The following PCCB variants were observed in gnomAD, a reference collection of about 807,000 sequenced individuals.
The protein encoded by PCCB is propionyl-CoA carboxylase subunit beta.
PCCB carries 43 observed loss-of-function variants against 60.7 expected under a neutral mutation model. The observed-to-expected ratio is 0.71, with a 90% CI of 0.55 to 0.91. PCCB has a LOEUF of 0.91. Among genes scored for constraint, PCCB ranks in the 40% least tolerant of loss-of-function variants. The probability of loss-of-function intolerance (pLI) is 0.00; values close to 1 mark genes in which losing one functional copy is unlikely to be tolerated. For synonymous variants in PCCB, 276 were observed against 255.9 expected, an observed-to-expected ratio of 1.08 and a Z score of -0.75; for missense variants, 766 against 702.8, an observed-to-expected ratio of 1.09 and a Z score of -1.02.
intron 6 of PCCB, among the ~76,000 whole-genome samples, chr3:136,285,242 G>A (rs1466133286): frequency 5.3e-5 from 8 of 152,162 alleles, no homozygotes; most frequent in African/African-American, 1.7e-4. Flanking sequence ...GAAGGGAGGT[G>A]TGGGATCAAT....
intron 9 of PCCB, among the ~76,000 whole-genome samples, chr3:136,308,537 G>A (rs1191985911): frequency 1.3e-5 from 2 of 152,164 alleles, no homozygotes; most frequent in Admixed American, 1.3e-4. Context: ...TACAAAGCAG[G>A]TCAAATGGAC....
intron 9 of PCCB, among the ~76,000 whole-genome samples, chr3:136,301,865 T>C (rs1934297979): frequency 6.6e-6 from 1 of 152,228 alleles, no homozygotes; most frequent in African/African-American, 2.4e-5. Flanking sequence ...TCTGAGCCTT[T>C]GCAGGGGCAC....
At chr3:136,313,383 G>T (rs1047424612) in intron 9 of PCCB, among the ~76,000 whole-genome samples, 3 of 152,184 alleles carry the variant, frequency 2.0e-5, no homozygotes, top group African/African-American at 7.2e-5. Context: ...ACACAGTACA[G>T]TACTATGCAG....
At chr3:136,326,999 G>A (rs1364690815) in intron 11 of PCCB, 89 bp downstream of exon 11, 13 of 1,121,596 alleles carry the variant, frequency 1.2e-5, no homozygotes, top group Admixed American at 1.7e-5. Flanking sequence ...AGAACTCCCC[G>A]AGGACTTGTG....
At chr3:136,312,175 G>A (rs76247818) in intron 9 of PCCB, among the ~76,000 whole-genome samples, 1,903 of 152,334 alleles carry the variant, frequency 0.012, 31 homozygotes, top group East Asian at 0.047. Context: ...CAACAGGGAT[G>A]TGTTCTGAGA....
intron 6 of PCCB, among the ~76,000 whole-genome samples, chr3:136,288,905 C>T (rs1401831654): frequency 6.6e-6 from 1 of 152,126 alleles, no homozygotes; most frequent in Non-Finnish European, 1.5e-5. Context: ...TGGGGTCAAG[C>T]AATCCTCTCA....
chr3:136,250,453 C>T lies in PCCB; in HGVS notation c.78C>T (p.Arg26=). 1 of 1,606,662 alleles carries T rather than the reference C, an allele frequency of 6.2e-7. No homozygotes were observed. The highest frequency in any genetic ancestry group is 1.1e-5 in the South Asian group (1 of 90,008). ...CGAGCGGTCTCCGCGCCGCGGTCCG[C>T]AGCCTTTGCAGCCAGGCCACCTCTG... ...VLASGLRAAV[R]SLCSQATSVN... is the part of the protein sequence containing the mutation. Residue 26 remains arginine, a synonymous_variant, in exon 1 of 15, where the codon CGC becomes CGT. Coordinates refer to ENST00000251654, the MANE Select transcript of PCCB (RefSeq NM_000532.5).
chr3:136,271,163 C>T (rs1942188822), intron 5 of PCCB, among the ~76,000 whole-genome samples: 1 of 151,988 alleles, frequency 6.6e-6, no homozygotes, highest in Admixed American at 6.6e-5. Context: ...GTTGCATTAG[C>T]TTTTGGGGTC....
At chr3:136,314,267 A>G (rs1270665211) in intron 9 of PCCB, among the ~76,000 whole-genome samples, 2 of 152,234 alleles carry the variant, frequency 1.3e-5, no homozygotes, top group East Asian at 1.9e-4. Context: ...ATTATAATCC[A>G]TAGAATAAAA....
rs116158364 is a variant in PCCB, at chr3:136,284,898, G to A, written c.654+951G>A. ...GCTCAGGAGTTTTAGACCAGCCTAGGCAACGTAGCGAAACCCCATCTCTAC... is the reference window on the plus strand; with the variant it reads ...GCTCAGGAGTTTTAGACCAGCCTAGACAACGTAGCGAAACCCCATCTCTAC... On this transcript the variant is annotated intron_variant, in intron 6 of 14. Transcript: ENST00000251654. 1.4e-3 allele frequency among the ~76,000 whole-genome samples: 218 copies of A among 152,048 alleles called. 2 individuals are homozygous for A. Among genetic ancestry groups the A allele is most frequent in the African/African-American group, 5.2e-3 (214 of 41,442 alleles).
intron 14 of PCCB, among the ~76,000 whole-genome samples, chr3:136,329,574 T>TA (rs1935464093): frequency 6.6e-6 from 1 of 152,240 alleles, no homozygotes. Flanking sequence ...GATGAATTGT[T>TA]ATAGCCATTT....
intron 6 of PCCB, among the ~76,000 whole-genome samples, chr3:136,292,461 G>A (rs1371003347): frequency 1.3e-5 from 2 of 152,190 alleles, no homozygotes; most frequent in African/African-American, 4.8e-5. Context: ...AACATGAATA[G>A]TGAGTTCAGA....
intron 5 of PCCB, among the ~76,000 whole-genome samples, chr3:136,272,431 T>G (rs143864563): frequency 1.3e-5 from 2 of 152,168 alleles, no homozygotes. Context: ...TCAGTAGGAT[T>G]GGTACCAATT....
At chr3:136,260,297 C>T (rs1319957263) in intron 3 of PCCB, 182 bp from the exon 4 acceptor site, 1 of 682,490 alleles carries the variant, frequency 1.5e-6, no homozygotes, top group South Asian at 1.5e-5. Context: ...AGGCTGGTCT[C>T]AGACTCCTGG....
At chr3:136,316,727 T>A (rs1934910288) in intron 9 of PCCB, among the ~76,000 whole-genome samples, 1 of 152,118 alleles carries the variant, frequency 6.6e-6, no homozygotes. Flanking sequence ...GTGTCCATCT[T>A]AGCAGCAGTT....
chr3:136,291,355 A>T (rs1487357297), intron 6 of PCCB, among the ~76,000 whole-genome samples: 7 of 152,174 alleles, frequency 4.6e-5, no homozygotes, highest in Non-Finnish European at 1.0e-4. Flanking sequence ...TCTGATGCTT[A>T]TTCTCTCTTC....
chr3:136,254,952 C>T (rs1011500813), intron 1 of PCCB, among the ~76,000 whole-genome samples: 3 of 151,518 alleles, frequency 2.0e-5, no homozygotes, highest in African/African-American at 7.3e-5. Flanking sequence ...TCTCGGCTCA[C>T]TGCAAGCTCT....
At chr3:136,290,586 C>G (rs532534337) in intron 6 of PCCB, among the ~76,000 whole-genome samples, 2 of 149,060 alleles carry the variant, frequency 1.3e-5, no homozygotes, top group South Asian at 2.1e-4. Context: ...GTTCAAACTC[C>G]TGGGCTCACA....
intron 14 of PCCB, 99 bp from the exon 15 acceptor site, chr3:136,329,806 C>G: frequency 7.4e-7 from 1 of 1,344,828 alleles, no homozygotes; most frequent in South Asian, 1.2e-5. Flanking sequence ...ACTGCTTATA[C>G]TGCTGGCCCC....
Sources: allele counts gnomAD v4.1 joint callset (sites outside exome capture counted in the v4.1 genomes callset), GRCh38; gene constraint gnomAD v4.1.1; transcripts MANE v1.5; gene names NCBI Gene and HGNC (gene_info 2026-07-23, HGNC 2026-07-21).